PSEN2: variants seen among roughly 807,000 people sequenced by gnomAD.
The protein encoded by PSEN2 is presenilin-2.
In PSEN2, 32 loss-of-function variants were observed where a neutral mutation model predicts 49.1. The observed-to-expected ratio is 0.65, with a 90% CI of 0.49 to 0.88. The LOEUF (loss-of-function observed/expected upper bound fraction) is 0.88. PSEN2 is among the 40% of genes least tolerant of loss of function. PSEN2 has a pLI of 0.00. For missense variants in PSEN2, 522 were observed against 586.9 expected, an observed-to-expected ratio of 0.89 and a Z score of 1.14; for synonymous variants, 255 against 244.0, an observed-to-expected ratio of 1.05 and a Z score of -0.42.
chr1:226,874,780 G>A (rs1335347216), intron 2 of PSEN2, among the ~76,000 whole-genome samples: 1 of 152,238 alleles, frequency 6.6e-6, no homozygotes, highest in Non-Finnish European at 1.5e-5. Flanking sequence ...GAAATGAGCT[G>A]TGTCAGATTA....
chr1:226,894,334 A>G (rs888402751), intron 12 of PSEN2, among the ~76,000 whole-genome samples: 5 of 152,176 alleles, frequency 3.3e-5, no homozygotes, highest in African/African-American at 4.8e-5. Flanking sequence ...CAGCCTGTGG[A>G]GGACAGTGCA....
intron 3 of PSEN2, among the ~76,000 whole-genome samples, chr1:226,877,542 CCCCCA>C (rs1660712686): frequency 1.3e-5 from 2 of 152,178 alleles, no homozygotes; most frequent in Non-Finnish European, 2.9e-5. Flanking sequence ...CCACCTGTCA[CCCCCA>C]CCCCACCAGG....
At chr1:226,873,319 A>G (rs1417368141) in intron 2 of PSEN2, among the ~76,000 whole-genome samples, 1 of 152,218 alleles carries the variant, frequency 6.6e-6, no homozygotes, top group African/African-American at 2.4e-5. Context: ...GGGAAGAACA[A>G]TTCAAAGGGT....
intron 9 of PSEN2, chr1:226,890,642 C>G (rs1661680052): frequency 9.1e-6 from 2 of 220,654 alleles, no homozygotes; most frequent in Admixed American, 5.2e-5. Flanking sequence ...CATCAAGTCC[C>G]CATTTTGTGA....
intron 7 of PSEN2, 31 bp from the exon 8 acceptor site, chr1:226,888,798 C>T (rs200739890): frequency 1.3e-6 from 2 of 1,588,390 alleles, no homozygotes; most frequent in Non-Finnish European, 1.7e-6. Context: ...TCCACTGAGT[C>T]CCAGTCACAG....
At chr1:226,893,471 A>G (rs1432787298) in intron 11 of PSEN2, among the ~76,000 whole-genome samples, 1 of 152,214 alleles carries the variant, frequency 6.6e-6, no homozygotes, top group Non-Finnish European at 1.5e-5. Flanking sequence ...GTCAGGGACC[A>G]TTGCACTAAA....
At chr1:226,871,100 C>G (rs889438220) in intron 1 of PSEN2, 162 bp from the exon 2 acceptor site, 2 of 152,256 alleles carry the variant, frequency 1.3e-5, no homozygotes, top group African/African-American at 4.8e-5. Flanking sequence ...TCGCCGGAGA[C>G]CTCCGTTGCG....
rs1421277995 is a variant in PSEN2 at position 226,877,384 on chromosome 1, G to A, written c.-21+1834G>A. Among the ~76,000 whole-genome samples the A allele has an allele frequency of 2.0e-5, 3 of 152,330 alleles. No individual in the cohort carries two copies. The East Asian group carries it at 5.8e-4, about 29-fold the overall frequency. On this transcript the variant is annotated intron_variant, in intron 3 of 12. Coordinates refer to ENST00000366783, the MANE Select transcript of PSEN2 (RefSeq NM_000447.3). ...TCTGTTTCCTCATCAGTACCATGGGGAAGAATAGTAGCACCTTGCTCCAGG... is the reference window on the plus strand; with the variant it reads ...TCTGTTTCCTCATCAGTACCATGGGAAAGAATAGTAGCACCTTGCTCCAGG...
intron 6 of PSEN2, among the ~76,000 whole-genome samples, chr1:226,887,197 C>T (rs1344640615): frequency 6.6e-6 from 1 of 152,142 alleles, no homozygotes; most frequent in African/African-American, 2.4e-5. Context: ...GTAGGGCTTC[C>T]TTGGAGGTTC....
At chr1:226,880,984 C>T (rs990054119) in intron 3 of PSEN2, among the ~76,000 whole-genome samples, 11 of 152,148 alleles carry the variant, frequency 7.2e-5, no homozygotes, top group Admixed American at 1.3e-4. Context: ...TGGTCTTTCC[C>T]GAGACTCTCT....
At chr1:226,885,415 G>A in intron 5 of PSEN2, 123 bp from the exon 6 acceptor site, 9 of 1,114,016 alleles carry the variant, frequency 8.1e-6, no homozygotes, top group Non-Finnish European at 1.2e-5. Context: ...ACTCCATCAG[G>A]GCAGCATGTG....
At chr1:226,874,531 A>G (rs985340212) in intron 2 of PSEN2, among the ~76,000 whole-genome samples, 5 of 151,954 alleles carry the variant, frequency 3.3e-5, no homozygotes, top group African/African-American at 1.2e-4. Flanking sequence ...TGGAAACTTG[A>G]TCTCTGGGGC....
chr1:226,893,927 G>A (rs1269243312), intron 11 of PSEN2, 80 bp from the exon 12 acceptor site: 4 of 1,291,176 alleles, frequency 3.1e-6, no homozygotes, highest in Non-Finnish European at 4.5e-6. Flanking sequence ...GAGCAGCTGG[G>A]CCTTCTGGGC....
chr1:226,900,219 A>C (rs1373860975), downstream of PSEN2, among the ~76,000 whole-genome samples: 1 of 152,132 alleles, frequency 6.6e-6, no homozygotes, highest in Non-Finnish European at 1.5e-5. Context: ...AATGAGGGGA[A>C]GGTGATGGAG....
chr1:226,889,168 G>A (rs1661571204), intron 8 of PSEN2, 119 bp downstream of exon 8: 7 of 914,892 alleles, frequency 7.7e-6, no homozygotes, highest in Non-Finnish European at 1.2e-5. Flanking sequence ...GCAGAGGCCT[G>A]GGTGGGATCC....
chr1:226,881,367 A>G (rs929439326), intron 3 of PSEN2, among the ~76,000 whole-genome samples: 56 of 152,122 alleles, frequency 3.7e-4, no homozygotes, highest in South Asian at 2.1e-4. Context: ...TGGGAAAACC[A>G]GTCTCCATCA....
intron 6 of PSEN2, among the ~76,000 whole-genome samples, chr1:226,886,473 A>G (rs112809286): frequency 6.6e-5 from 10 of 152,200 alleles, no homozygotes; most frequent in South Asian, 2.1e-4. Context: ...GGCCAGAATC[A>G]TGGGCACTGC....
chr1:226,887,443 C>T (rs1661432881), intron 6 of PSEN2, among the ~76,000 whole-genome samples: 2 of 152,098 alleles, frequency 1.3e-5, no homozygotes, highest in South Asian at 2.1e-4. Context: ...ACTGTCCCGC[C>T]GATGGCCAGC....
chr1:226,885,160 T>G (rs1661273481), intron 5 of PSEN2, among the ~76,000 whole-genome samples: 3 of 139,652 alleles, frequency 2.1e-5, no homozygotes, highest in African/African-American at 2.7e-5. Flanking sequence ...GGTGGAGGAG[T>G]GCTGGGCTGG....
Sources: gnomAD v4.1 joint callset for allele counts (sites outside exome capture counted in the v4.1 genomes callset) on GRCh38, gnomAD v4.1.1 for gene constraint, MANE v1.5 for transcripts, NCBI Gene and HGNC (gene_info 2026-07-23, HGNC 2026-07-21) for gene names.